ARSD: variants seen among roughly 807,000 people sequenced by gnomAD.
ARSD encodes the protein testis tissue sperm-binding protein Li 39a.
ARSD carries 21 observed loss-of-function variants against 32.6 expected under a neutral mutation model. The observed-to-expected ratio is 0.64, with a 90% CI of 0.46 to 0.93. The LOEUF (loss-of-function observed/expected upper bound fraction) is 0.93. Among genes scored for constraint, ARSD ranks in the 40% least tolerant of loss-of-function variants. ARSD has a pLI of 0.00. For missense variants in ARSD, 454 were observed against 520.9 expected (o/e 0.87, Z 1.25); for synonymous variants, 224 against 237.4 (o/e 0.94, Z 0.52).
rs1451242122 is a variant in ARSD, at chrX:2,929,239, C to T, written c.37G>A (p.Ala13Thr). 2.9e-6 allele frequency: 3 copies of T among 1,036,060 alleles called. No homozygotes were observed. The highest frequency in any genetic ancestry group is 8.1e-5 in the East Asian group (2 of 24,613). The allele number at this position is 1,036,060 out of a possible 1,213,427, so 85.4% of individuals were successfully genotyped here. ...SAARRGRAAP[A>T]ARDSLPVLLF... ...TCCCGGGGTCCCAGGCACCTGGCGG[C>T]GGGCGCGGCGCGTCCCCTCCGCGCG... The change falls in exon 1 of 10, where the codon GCC (alanine) becomes ACC (threonine). Residue 13 changes from alanine to threonine, a missense_variant. Transcript: ENST00000381154.
At chrX:2,913,916 A>C in intron 6 of ARSD, 1 of 300,071 alleles carries the variant, frequency 3.3e-6, no homozygotes, top group South Asian at 9.2e-5. Flanking sequence ...TGGTTGTTTA[A>C]AAGTGTGCGG....
chrX:2,918,099 G>C lies in ARSD; in HGVS notation c.568C>G (p.Pro190Ala). The C allele has an allele frequency of 8.3e-7, 1 of 1,201,395 alleles. No homozygotes were observed. Among genetic ancestry groups the C allele is most frequent in the Non-Finnish European group, 1.1e-6 (1 of 889,949 alleles). ...GCCCTCAGGGCGGCGTCCACTTCGG[G>C]GGGCCTGCCTGGGTCACAGTCGTTT... ...LTNDCDPGRP[P>A]EVDAALRAQL... The change falls in exon 5 of 10, where the codon CCC (proline) becomes GCC (alanine). Residue 190 changes from proline (P) to alanine (A), a missense_variant. Around this residue, in one of 3 missense-constraint regions of ARSD, gnomAD observed 271 missense variants for 301.0 expected, o/e 0.90. Transcript: ENST00000381154.
At chrX:2,922,134 A>G (rs2089034898) in intron 2 of ARSD, 110 bp from the exon 3 acceptor site, 1 of 985,962 alleles carries the variant, frequency 1.0e-6, no homozygotes, top group African/African-American at 1.9e-5. Context: ...ACCGGATTTC[A>G]GAATTAGTTG....
chrX:2,907,756 C>A, intron 9 of ARSD, 124 bp from the exon 10 acceptor site: 1 of 1,047,116 alleles, frequency 9.6e-7, no homozygotes, highest in South Asian at 3.3e-5. Flanking sequence ...AGGAGGGACA[C>A]GAGGCAGTCC....
In ARSD at chrX:2,929,221, G is replaced by A. The variant is rs1250026391; in HGVS notation, c.44+11C>T. 3 of 1,040,573 alleles carry A rather than the reference G, an allele frequency of 2.9e-6. No homozygotes were observed. The highest frequency in any genetic ancestry group is 2.7e-5 in the South Asian group (1 of 36,435). 85.8% of individuals were successfully genotyped at this position (1,040,573 alleles called of 1,213,427 possible). A position where few individuals can be genotyped will look rare whatever the true frequency, so the allele number is the denominator to read the frequency against. ...GCCTTAGTATGGGCCGCGTCCCGGG[G>A]TCCCAGGCACCTGGCGGCGGGCGCG... On this transcript the variant is annotated intron_variant, in intron 1 of 9. Coordinates refer to ENST00000381154, the MANE Select transcript of ARSD (RefSeq NM_001669.4).
At chrX:2,927,178 G>A (rs2089090994) in intron 1 of ARSD, among the ~76,000 whole-genome samples, 1 of 111,019 alleles carries the variant, frequency 9.0e-6, no homozygotes, top group Non-Finnish European at 1.9e-5. Context: ...CTGGAGGCAG[G>A]GAACCTAAGG....
chrX:2,916,488 C>T (rs947732393), intron 5 of ARSD, among the ~76,000 whole-genome samples: 8 of 111,102 alleles, frequency 7.2e-5, no homozygotes, highest in African/African-American at 2.3e-4. Flanking sequence ...ACAGAGCCAA[C>T]GCTGTCTCAG....
At chrX:2,915,768 C>T in intron 5 of ARSD, 76 bp from the exon 6 acceptor site, 16 of 1,007,202 alleles carry the variant, frequency 1.6e-5, no homozygotes, top group Non-Finnish European at 2.2e-5. Context: ...CATACGTTCA[C>T]TCCAGCACTA....
chrX:2,907,493 G>A lies in ARSD; in HGVS notation c.1560C>T (p.Ser520=). ...GGGGCCGTGCCTCGGAGGGGTCCCT[G>A]GAGAGGTCAAAGAGCAAAGGGGGTC... ...HHRPPLLFDL[S]RDPSEARPLT... is the part of the protein sequence containing the mutation. The change falls in exon 10 of 10, where the codon TCC becomes TCT. Residue 520 remains serine, a synonymous_variant. Transcript: ENST00000381154. 8.3e-7 allele frequency: 1 copy of A among 1,206,450 alleles called. No individual in the cohort carries two copies. The highest frequency in any genetic ancestry group is 1.8e-5 in the South Asian group (1 of 55,937).
rs374088040 is a variant in ARSD, at chrX:2,923,818, C to T, written c.195-1794G>A. On this transcript the variant is annotated intron_variant, in intron 2 of 9. Transcript: ENST00000381154. ...CGTAGGCGTTTAGGGGACACAGATT[C>T]GCTCCTCGCTGGAGGTGATGGCTAA... 1.7e-4 allele frequency among the ~76,000 whole-genome samples: 19 copies of T among 112,334 alleles called. No homozygotes were observed. The East Asian group carries it at 2.8e-3, about 16-fold the overall frequency.
rs2088875680 is a variant in ARSD at position 2,908,629 on chromosome X, T to TCCA, written c.1420+91_1420+92insTGG. ...ATCCACCCATCCATCCATCCATCCA[T>TCCA]TCATCCATCCATCCATCCATCCATC... On this transcript the variant is annotated intron_variant, in intron 9 of 9. Coordinates refer to ENST00000381154, the MANE Select transcript of ARSD (RefSeq NM_001669.4). The TCCA allele has an allele frequency of 6.9e-6, 6 of 875,179 alleles. No individual in the cohort carries two copies. The South Asian group carries it at 1.6e-4, about 23-fold the overall frequency. 72.1% of individuals were successfully genotyped at this position (875,179 alleles called of 1,213,427 possible).
intron 1 of ARSD, among the ~76,000 whole-genome samples, chrX:2,927,092 G>A (rs777915317): frequency 2.5e-4 from 28 of 110,236 alleles, no homozygotes; most frequent in African/African-American, 7.9e-4. Flanking sequence ...CAATGGCCGC[G>A]GAAGGGGACA....
In ARSD at chrX:2,909,987, T is replaced by C. The variant is rs762862746; in HGVS notation, c.1136-8A>G. ...CTCCCATGCCCTTCCCACCTGTAAG[T>C]AGAAGACATCGTTAGGATTTTGCCG... On this transcript the variant is annotated splice_polypyrimidine_tract_variant and splice_region_variant and intron_variant, in intron 7 of 9. Transcript: ENST00000381154. 1.2e-5 allele frequency: 15 copies of C among 1,207,909 alleles called. No individual in the cohort carries two copies. Among genetic ancestry groups the C allele is most frequent in the African/African-American group, 1.8e-5 (1 of 56,820 alleles).
rs1462602629 is a variant in ARSD, at chrX:2,904,190, C to T, written c.*3081G>A. ...GATCAATGAATGGGCAAAGAAACAC[C>T]TCATGGCTCTGGGAAGGCATGCTGA... is the stretch of plus-strand genomic sequence containing the variant. On this transcript the variant is annotated 3_prime_UTR_variant, in exon 10 of 10. Coordinates refer to ENST00000381154, the MANE Select transcript of ARSD (RefSeq NM_001669.4). The T allele has an allele frequency of 1.7e-4, 19 of 111,448 alleles. No homozygotes were observed. The highest frequency in any genetic ancestry group is 5.9e-4 in the African/African-American group (18 of 30,594). 9.2% of individuals were successfully genotyped at this position (111,448 alleles called of 1,213,427 possible). A position where few individuals can be genotyped will look rare whatever the true frequency, so the allele number is the denominator to read the frequency against.
At chrX:2,920,916 C>T (rs2089022965) in intron 3 of ARSD, among the ~76,000 whole-genome samples, 193 bp from the exon 4 acceptor site, 1 of 111,968 alleles carries the variant, frequency 8.9e-6, no homozygotes, top group Admixed American at 9.5e-5. Context: ...TACCTACCTA[C>T]ATACCTACCT....
In ARSD at chrX:2,907,225, G is replaced by C. The variant is rs2088858179; in HGVS notation, c.*46C>G. 8.8e-7 allele frequency: 1 copy of C among 1,135,707 alleles called. No individual in the cohort carries two copies. Among genetic ancestry groups the C allele is most frequent in the African/African-American group, 1.8e-5 (1 of 55,591 alleles). 93.6% of individuals were successfully genotyped at this position (1,135,707 alleles called of 1,213,427 possible). A position where few individuals can be genotyped will look rare whatever the true frequency, so the allele number is the denominator to read the frequency against. ...GAACCAAGCTTGGAGAATTTTGTTT[G>C]CAACGCAGTCAGGCTCTCCTGGATC... is the stretch of plus-strand genomic sequence containing the variant. On this transcript the variant is annotated 3_prime_UTR_variant, in exon 10 of 10. Coordinates refer to ENST00000381154, the MANE Select transcript of ARSD (RefSeq NM_001669.4).
intron 3 of ARSD, among the ~76,000 whole-genome samples, chrX:2,921,357 T>C (rs764959750): frequency 8.9e-6 from 1 of 111,963 alleles, no homozygotes; most frequent in East Asian, 2.8e-4. Flanking sequence ...TCACTTATCT[T>C]TCTATCATCA....
intron 8 of ARSD, 86 bp downstream of exon 8, chrX:2,909,731 G>A: frequency 1.2e-6 from 1 of 800,212 alleles, no homozygotes; most frequent in Non-Finnish European, 1.7e-6. Flanking sequence ...AATACCACCT[G>A]TTCCCCAAAA....
intron 9 of ARSD, 91 bp downstream of exon 9, chrX:2,908,622 CCATCCATT>C: frequency 1.1e-6 from 1 of 891,774 alleles, no homozygotes; most frequent in Non-Finnish European, 1.5e-6. Flanking sequence ...ATCCATCCAT[CCATCCATT>C]CATCCATCCA....
Sources: allele counts gnomAD v4.1 joint callset (sites outside exome capture counted in the v4.1 genomes callset), GRCh38; gene constraint gnomAD v4.1.1; regional missense constraint gnomAD v4.1.1; transcripts MANE v1.5; gene names NCBI Gene and HGNC (gene_info 2026-07-23, HGNC 2026-07-21).